The following CNTN5 variants were observed in gnomAD, a reference collection of about 807,000 sequenced individuals.
CNTN5 encodes contactin 5, also known as contactin-5.
A neutral mutation model predicts 129.1 loss-of-function variants in CNTN5; 77 were observed. The ratio of observed to expected loss-of-function variants is 0.60; its 90% CI spans 0.50 to 0.72. The LOEUF (loss-of-function observed/expected upper bound fraction) is 0.72. Among genes scored for constraint, CNTN5 ranks in the 30% least tolerant of loss-of-function variants. CNTN5 has a pLI of 0.00. For missense variants in CNTN5, 1,478 were observed against 1,328.8 expected (o/e 1.11, Z -1.75); for synonymous variants, 509 against 465.6 (o/e 1.09, Z -1.20).
At chr11:100,217,882 T>C (rs1342095041) in intron 15 of CNTN5, among the ~76,000 whole-genome samples, 1 of 152,212 alleles carries the variant, frequency 6.6e-6, no homozygotes, top group African/African-American at 2.4e-5. Flanking sequence ...GTTTAAATAC[T>C]ACTCCTGCCT....
intron 1 of CNTN5, among the ~76,000 whole-genome samples, chr11:99,281,676 G>T (rs1007797686): frequency 4.0e-5 from 6 of 151,752 alleles, no homozygotes; most frequent in Non-Finnish European, 8.8e-5. Flanking sequence ...TCTTTTGCTG[G>T]GTTGTTTACT....
intron 4 of CNTN5, among the ~76,000 whole-genome samples, chr11:99,840,297 T>C (rs911790595): frequency 3.9e-5 from 6 of 152,130 alleles, no homozygotes; most frequent in African/African-American, 1.4e-4. Flanking sequence ...GAATACAGCA[T>C]ACAAGAGCTT....
At chr11:99,228,882 T>C (rs901645552) in intron 1 of CNTN5, among the ~76,000 whole-genome samples, 1 of 152,048 alleles carries the variant, frequency 6.6e-6, no homozygotes, top group Non-Finnish European at 1.5e-5. Flanking sequence ...GTGCTGTGCA[T>C]TCGTTAATAC....
chr11:99,100,407 A>C (rs1211669634), intron 1 of CNTN5, among the ~76,000 whole-genome samples: 1 of 152,116 alleles, frequency 6.6e-6, no homozygotes, highest in East Asian at 1.9e-4. Flanking sequence ...ATGTTAGCTT[A>C]TTTTGACCTT....
intron 10 of CNTN5, among the ~76,000 whole-genome samples, chr11:100,063,621 C>T (rs1300437197): frequency 6.8e-6 from 1 of 146,940 alleles, no homozygotes; most frequent in Non-Finnish European, 1.5e-5. Context: ...TATTTCACTT[C>T]TAAAAGTATC....
At chr11:100,027,809 A>G (rs1200711542) in intron 9 of CNTN5, among the ~76,000 whole-genome samples, 3 of 152,170 alleles carry the variant, frequency 2.0e-5, no homozygotes, top group African/African-American at 7.2e-5. Flanking sequence ...GGGCAGTTGT[A>G]TGATTTGGCA....
intron 9 of CNTN5, among the ~76,000 whole-genome samples, chr11:100,020,890 A>C (rs539926902): frequency 2.0e-5 from 3 of 152,252 alleles, no homozygotes; most frequent in African/African-American, 7.2e-5. Context: ...TACACTGAAA[A>C]CTATAAAATA....
At chr11:99,680,442 C>T (rs1402593148) in intron 3 of CNTN5, among the ~76,000 whole-genome samples, 1 of 151,578 alleles carries the variant, frequency 6.6e-6, no homozygotes, top group African/African-American at 2.4e-5. Context: ...TCTTCCTCTG[C>T]TCTGTAAATG....
chr11:99,954,389 T>C (rs778833819), intron 7 of CNTN5, among the ~76,000 whole-genome samples: 3 of 152,146 alleles, frequency 2.0e-5, no homozygotes, highest in Non-Finnish European at 4.4e-5. Flanking sequence ...GGGAAAATCA[T>C]AGTTGACCAA....
At chr11:100,048,216 A>G (rs1942788623) in intron 9 of CNTN5, among the ~76,000 whole-genome samples, 1 of 152,020 alleles carries the variant, frequency 6.6e-6, no homozygotes, top group African/African-American at 2.4e-5. Flanking sequence ...CATTAGAACT[A>G]AAGTTTCTTG....
intron 7 of CNTN5, among the ~76,000 whole-genome samples, chr11:99,926,698 T>A (rs1950070819): frequency 6.6e-6 from 1 of 152,098 alleles, no homozygotes; most frequent in Admixed American, 6.5e-5. Context: ...TCCAAAAATA[T>A]TTAAGGATTT....
At chr11:99,713,180 C>T (rs1314415246) in intron 3 of CNTN5, among the ~76,000 whole-genome samples, 1 of 152,054 alleles carries the variant, frequency 6.6e-6, no homozygotes, top group Non-Finnish European at 1.5e-5. Flanking sequence ...GTTTGTAGTT[C>T]TCCTTGAAGA....
Position 99,504,614 on chromosome 11 carries a change from A to G in CNTN5, c.-70-51531A>G, listed in dbSNP as rs564076909. 9.2e-5 allele frequency among the ~76,000 whole-genome samples: 14 copies of G among 152,230 alleles called. 1 individual carries two copies. In the East Asian group the frequency reaches 2.3e-3, roughly 25 times the overall value. On this transcript the variant is annotated intron_variant, in intron 2 of 24. Coordinates refer to ENST00000524871, the MANE Select transcript of CNTN5 (RefSeq NM_014361.4). ...ACTAACAATTCAGTTGTCTGATTTA[A>G]TATTTCTACTCTTGTTGTGGATGAA...
intron 2 of CNTN5, among the ~76,000 whole-genome samples, chr11:99,423,946 C>A (rs1178194863): frequency 6.6e-6 from 1 of 152,098 alleles, no homozygotes; most frequent in Non-Finnish European, 1.5e-5. Flanking sequence ...GATATTAAAA[C>A]CTTAGAGTAT....
At chr11:100,152,032 CCTTTAGTCACAA>C (rs1565291412) in intron 13 of CNTN5, among the ~76,000 whole-genome samples, 1 of 152,168 alleles carries the variant, frequency 6.6e-6, no homozygotes, top group Non-Finnish European at 1.5e-5. Flanking sequence ...AACCACGTCT[CCTTTAGTCACAA>C]TTTTATTCCT....
At chr11:99,636,417 C>T (rs907177495) in intron 3 of CNTN5, among the ~76,000 whole-genome samples, 2 of 149,320 alleles carry the variant, frequency 1.3e-5, no homozygotes, top group Non-Finnish European at 1.5e-5. Flanking sequence ...GCAATTTGCT[C>T]TTCAGATCCA....
At chr11:99,345,589 T>C (rs1414665064) in intron 2 of CNTN5, among the ~76,000 whole-genome samples, 1 of 152,212 alleles carries the variant, frequency 6.6e-6, no homozygotes, top group Non-Finnish European at 1.5e-5. Flanking sequence ...ATGTACCATG[T>C]CATATAACAA....
intron 3 of CNTN5, among the ~76,000 whole-genome samples, chr11:99,760,398 T>C (rs1348063056): frequency 6.6e-6 from 1 of 152,102 alleles, no homozygotes; most frequent in Non-Finnish European, 1.5e-5. Context: ...CAGAGAATGA[T>C]TTCAAAATAG....
intron 1 of CNTN5, among the ~76,000 whole-genome samples, chr11:99,262,804 A>G (rs1862703725): frequency 6.6e-6 from 1 of 152,042 alleles, no homozygotes; most frequent in Non-Finnish European, 1.5e-5. Flanking sequence ...ATTTCTTCAT[A>G]TTTATGAGTT....
Sources: allele counts gnomAD v4.1 joint callset (sites outside exome capture counted in the v4.1 genomes callset), GRCh38; gene constraint gnomAD v4.1.1; transcripts MANE v1.5; gene names NCBI Gene and HGNC (gene_info 2026-07-23, HGNC 2026-07-21).